KLF12: variants seen among roughly 807,000 people sequenced by gnomAD.
KLF12 encodes the protein KLF transcription factor 12.
KLF12 carries 9 observed loss-of-function variants against 37.8 expected under a neutral mutation model. That is an observed-to-expected ratio of 0.24 (90% CI 0.14 to 0.42). The LOEUF (loss-of-function observed/expected upper bound fraction) is 0.42. Ranked by LOEUF, KLF12 falls within the 10% of genes least tolerant of loss-of-function variation. KLF12 has a pLI of 1.00. For synonymous variants in KLF12, 208 were observed against 202.1 expected, an observed-to-expected ratio of 1.03 and a Z score of -0.25; for missense variants, 411 against 516.0, an observed-to-expected ratio of 0.80 and a Z score of 1.97.
intron 1 of KLF12, among the ~76,000 whole-genome samples, chr13:74,023,950 CAA>C (rs2138440081): frequency 6.6e-6 from 1 of 152,238 alleles, no homozygotes; most frequent in African/African-American, 2.4e-5. Context: ...GATCAAAGTG[CAA>C]AGAGATTCCA....
At chr13:73,774,681 C>T (rs1293562902) in intron 5 of KLF12, among the ~76,000 whole-genome samples, 1 of 152,118 alleles carries the variant, frequency 6.6e-6, no homozygotes, top group South Asian at 2.1e-4. Flanking sequence ...AATAATTTTG[C>T]AACTTTTACA....
At chr13:73,963,649 C>T (rs1044940866) in intron 2 of KLF12, among the ~76,000 whole-genome samples, 6 of 152,066 alleles carry the variant, frequency 3.9e-5, no homozygotes, top group South Asian at 2.1e-4. Context: ...GGAAAAGTTT[C>T]GTATATAATT....
At chr13:73,734,863 G>A (rs1019231082) in intron 6 of KLF12, among the ~76,000 whole-genome samples, 4 of 152,220 alleles carry the variant, frequency 2.6e-5, no homozygotes, top group Non-Finnish European at 4.4e-5. Context: ...GCAAGTAAGT[G>A]GCAGGTCAGG....
the KLF12 span, among the ~76,000 whole-genome samples, chr13:74,145,255 C>T: frequency 3.9e-5 from 6 of 152,220 alleles, no homozygotes; most frequent in South Asian, 1.0e-3. Flanking sequence ...CACTATCAAA[C>T]TTGTGATTAT....
intron 5 of KLF12, among the ~76,000 whole-genome samples, chr13:73,793,762 A>G (rs1382159949): frequency 6.6e-6 from 1 of 152,236 alleles, no homozygotes; most frequent in East Asian, 1.9e-4. Context: ...TTAAAGAACC[A>G]ACAGATACAT....
At chr13:73,842,228 C>T (rs1884775630) in intron 4 of KLF12, among the ~76,000 whole-genome samples, 1 of 152,188 alleles carries the variant, frequency 6.6e-6, no homozygotes, top group African/African-American at 2.4e-5. Context: ...TACATGTCTT[C>T]CTAGAACATG....
chr13:74,121,797 T>G (rs1877649036), intron 1 of KLF12, among the ~76,000 whole-genome samples: 1 of 151,900 alleles, frequency 6.6e-6, no homozygotes, highest in African/African-American at 2.4e-5. Context: ...CTAAGAAAAT[T>G]TATAAAGAAA....
At chr13:73,978,575 A>G (rs1891606647) in intron 2 of KLF12, among the ~76,000 whole-genome samples, 1 of 152,128 alleles carries the variant, frequency 6.6e-6, no homozygotes, top group Non-Finnish European at 1.5e-5. Context: ...ACTAACTCTT[A>G]CCTTAGGATC....
chr13:74,297,683 G>A, the KLF12 span, among the ~76,000 whole-genome samples: 1 of 152,126 alleles, frequency 6.6e-6, no homozygotes, highest in Non-Finnish European at 1.5e-5. Flanking sequence ...TAGAAATAAA[G>A]AGGCAAAGAT....
intron 6 of KLF12, among the ~76,000 whole-genome samples, chr13:73,753,726 A>T (rs1416591860): frequency 4.6e-5 from 7 of 152,180 alleles, no homozygotes; most frequent in Non-Finnish European, 1.0e-4. Flanking sequence ...TGTAAGTGAC[A>T]TAGAACTTAA....
intron 7 of KLF12, among the ~76,000 whole-genome samples, chr13:73,712,548 TTGA>T (rs1426701093): frequency 6.6e-6 from 1 of 152,176 alleles, no homozygotes; most frequent in African/African-American, 2.4e-5. Flanking sequence ...ATAAACTTAG[TTGA>T]TAAAGCAGCA....
intron 3 of KLF12, among the ~76,000 whole-genome samples, chr13:73,918,411 A>G (rs1371378415): frequency 6.6e-6 from 1 of 152,174 alleles, no homozygotes; most frequent in Non-Finnish European, 1.5e-5. Flanking sequence ...AGAAAATTCA[A>G]TCCTCCAGTC....
At chr13:74,141,661 C>G in the KLF12 span, among the ~76,000 whole-genome samples, 1 of 152,080 alleles carries the variant, frequency 6.6e-6, no homozygotes, top group African/African-American at 2.4e-5. Flanking sequence ...TACAGCTGCC[C>G]CTCCCTCTCC....
At chr13:74,254,798 G>C in the KLF12 span, among the ~76,000 whole-genome samples, 1 of 152,006 alleles carries the variant, frequency 6.6e-6, no homozygotes, top group Non-Finnish European at 1.5e-5. Context: ...GTTTGTGTGC[G>C]TGTGTGTGTG....
intron 5 of KLF12, among the ~76,000 whole-genome samples, chr13:73,810,958 T>G (rs1344625387): frequency 2.7e-5 from 3 of 109,766 alleles, no homozygotes; most frequent in Non-Finnish European, 5.7e-5. Context: ...AGATAAACAA[T>G]GTTTATTTTT....
At position 73,765,575 on chromosome 13, in the gene KLF12, A is replaced by C. The variant is rs181355224; in HGVS notation, c.807-575T>G. On this transcript the variant is annotated intron_variant, in intron 5 of 7. Coordinates refer to ENST00000377669, the MANE Select transcript of KLF12 (RefSeq NM_007249.5). ...TGCTACACTGGACTTTGAAGAAAGT[A>C]AAGTCAATTCAAAATTTTAGCCAGA... Among the ~76,000 whole-genome samples, 3 of 152,326 alleles carry C rather than the reference A, an allele frequency of 2.0e-5. No individual in the cohort carries two copies. In the East Asian group the frequency reaches 5.8e-4, roughly 29 times the overall value.
Position 74,100,853 on chromosome 13 carries a change from G to T in KLF12, c.-32+32886C>A, listed in dbSNP as rs539050321. 3.3e-5 allele frequency among the ~76,000 whole-genome samples: 5 copies of T among 152,022 alleles called. No individual in the cohort carries two copies. In the East Asian group the frequency reaches 9.7e-4, roughly 29 times the overall value. The stretch of plus-strand genomic sequence containing the variant: ...AGAAACTGCCTCAGAATCAAAGTCC[G>T]ACCTTCCCTTGTTTTTCAACCTAGC... On this transcript the variant is annotated intron_variant, in intron 1 of 7. Coordinates refer to ENST00000377669, the MANE Select transcript of KLF12 (RefSeq NM_007249.5).
At chr13:74,165,998 A>T in the KLF12 span, among the ~76,000 whole-genome samples, 2 of 151,402 alleles carry the variant, frequency 1.3e-5, no homozygotes, top group African/African-American at 4.8e-5. Context: ...GAGATCTATT[A>T]TGTATAAAAT....
At chr13:74,097,714 T>TTGTGTGTG (rs58698640) in intron 1 of KLF12, among the ~76,000 whole-genome samples, 4 of 147,376 alleles carry the variant, frequency 2.7e-5, no homozygotes, top group South Asian at 4.3e-4. Context: ...ATATATGTAT[T>TTGTGTGTG]TGTGTGTGTG....
Sources: allele counts gnomAD v4.1 joint callset (sites outside exome capture counted in the v4.1 genomes callset), GRCh38; gene constraint gnomAD v4.1.1; transcripts MANE v1.5; gene names NCBI Gene and HGNC (gene_info 2026-07-23, HGNC 2026-07-21).